The following IQSEC1 variants were observed in gnomAD, a reference collection of about 807,000 sequenced individuals.
IQSEC1 encodes IQ motif and SEC7 domain-containing protein 1.
A neutral mutation model predicts 91.0 loss-of-function variants in IQSEC1; 31 were observed. That is an observed-to-expected ratio of 0.34 (90% CI 0.26 to 0.46). The LOEUF (loss-of-function observed/expected upper bound fraction) is 0.46. Ranked by LOEUF, IQSEC1 falls within the 20% of genes least tolerant of loss-of-function variation. The pLI, the probability that IQSEC1 is intolerant of heterozygous loss-of-function variation, is 1.00. For synonymous variants in IQSEC1, 699 were observed against 662.6 expected (o/e 1.05, Z -0.84); for missense variants, 1,388 against 1,575.6 (o/e 0.88, Z 2.02).
intron 2 of IQSEC1, among the ~76,000 whole-genome samples, chr3:13,153,951 G>A (rs1423146071): frequency 2.6e-5 from 4 of 152,122 alleles, no homozygotes; most frequent in African/African-American, 9.7e-5. Flanking sequence ...AACATGTGTA[G>A]TGGGAGGGGA....
intron 1 of IQSEC1, among the ~76,000 whole-genome samples, chr3:13,014,884 G>A (rs933158734): frequency 6.6e-6 from 1 of 152,142 alleles, no homozygotes; most frequent in African/African-American, 2.4e-5. Context: ...GTGGGTCAAG[G>A]GGCTCCTGGG....
In IQSEC1 at chr3:12,908,289, C is replaced by T. The variant is rs944158009; in HGVS notation, c.2755+60G>A. The stretch of plus-strand genomic sequence containing the variant: ...GCGTGATGCATGCCCTGAATGCAGA[C>T]GCCCTGCCTCGGTCTTGCATGCGCT... On this transcript the variant is annotated intron_variant, in intron 12 of 13. Transcript: ENST00000613206. This position sits in a 1 kb window ranked among gnomAD's most constrained non-coding sequence, Gnocchi z 4.9. 1.7e-5 allele frequency: 26 copies of T among 1,560,946 alleles called. No homozygotes were observed. The highest frequency in any genetic ancestry group is 2.3e-4 in the Middle Eastern group (1 of 4,322).
chr3:13,044,542 G>C (rs1704417403), intron 1 of IQSEC1, among the ~76,000 whole-genome samples: 1 of 152,246 alleles, frequency 6.6e-6, no homozygotes, highest in African/African-American at 2.4e-5. Flanking sequence ...TCATCGGAAT[G>C]GACCCAGGCT....
chr3:13,198,048 G>A (rs925824665), intron 1 of IQSEC1, among the ~76,000 whole-genome samples: 8 of 152,190 alleles, frequency 5.3e-5, no homozygotes, highest in Admixed American at 4.6e-4. Flanking sequence ...CTGTGGGCAC[G>A]CAGGGTCTGA....
At chr3:13,265,063 C>T (rs1295752941) in intron 1 of IQSEC1, among the ~76,000 whole-genome samples, 2 of 152,216 alleles carry the variant, frequency 1.3e-5, no homozygotes, top group Admixed American at 6.5e-5. Flanking sequence ...AGAGGAGCAC[C>T]ATTTCCAGCC....
At chr3:13,019,981 T>C (rs1403876523) in intron 1 of IQSEC1, among the ~76,000 whole-genome samples, 1 of 152,118 alleles carries the variant, frequency 6.6e-6, no homozygotes, top group Non-Finnish European at 1.5e-5. Context: ...CTACAGACCA[T>C]GTGGGCAAAC....
intron 2 of IQSEC1, among the ~76,000 whole-genome samples, chr3:13,085,394 G>A (rs958066619): frequency 1.8e-4 from 27 of 152,298 alleles, no homozygotes; most frequent in African/African-American, 3.8e-4. Context: ...GAGGGGTCAC[G>A]TGGAGGGCGG....
intron 1 of IQSEC1, among the ~76,000 whole-genome samples, chr3:13,022,945 G>T (rs1047084342): frequency 5.3e-5 from 8 of 152,206 alleles, no homozygotes; most frequent in East Asian, 1.9e-4. Context: ...AGGCTACTGT[G>T]GGCTTGTGGA....
intron 1 of IQSEC1, among the ~76,000 whole-genome samples, chr3:13,173,347 A>G (rs1693654338): frequency 6.6e-6 from 1 of 152,210 alleles, no homozygotes; most frequent in Non-Finnish European, 1.5e-5. Flanking sequence ...CTGTCCCCAG[A>G]GACCCAGCTG....
At chr3:12,929,866 G>A (rs1408311382) in intron 3 of IQSEC1, among the ~76,000 whole-genome samples, 1 of 152,214 alleles carries the variant, frequency 6.6e-6, no homozygotes, top group Non-Finnish European at 1.5e-5. Flanking sequence ...TCCCTGCTGT[G>A]TGCTCCCAGG....
Position 12,899,276 on chromosome 3 carries a change from G to A in IQSEC1, c.*1707C>T, listed in dbSNP as rs368808955. 4.3e-5 allele frequency: 51 copies of A among 1,194,986 alleles called. No homozygotes were observed. The highest frequency in any genetic ancestry group is 2.5e-4 in the Middle Eastern group (1 of 3,970). The allele number at this position is 1,194,986 out of a possible 1,614,324, so 74.0% of individuals were successfully genotyped here. On this transcript the variant is annotated 3_prime_UTR_variant, in exon 14 of 14. Coordinates refer to ENST00000613206, the MANE Select transcript of IQSEC1 (RefSeq NM_001134382.3). ...CTGCCGTCCGGCCACGGCTCACCAC[G>A]CTGTCCACTGGGAACGCGGCCCCGC...
At chr3:13,076,648 C>A (rs954427204), upstream of IQSEC1, among the ~76,000 whole-genome samples, 3 of 152,154 alleles carry the variant, frequency 2.0e-5, no homozygotes, top group African/African-American at 4.8e-5. Context: ...GTGAACCCCC[C>A]ACCCCCGCTG....
At chr3:12,953,062 G>A (rs574296861) in intron 1 of IQSEC1, among the ~76,000 whole-genome samples, 2 of 152,318 alleles carry the variant, frequency 1.3e-5, no homozygotes, top group East Asian at 3.9e-4. Context: ...CTGCTGATAG[G>A]GCCTGATCCT....
chr3:12,916,837 G>T (rs1696143329), intron 6 of IQSEC1, among the ~76,000 whole-genome samples: 1 of 152,222 alleles, frequency 6.6e-6, no homozygotes, highest in African/African-American at 2.4e-5. Flanking sequence ...AGTGAAGAAG[G>T]CCACAGTAAA....
intron 9 of IQSEC1, 142 bp from the exon 10 acceptor site, chr3:12,911,870 A>G: frequency 1.5e-6 from 1 of 669,710 alleles, no homozygotes. Context: ...ATGGGCTTCC[A>G]CTCCAAGACT....
In IQSEC1 at chr3:12,931,692, CT is replaced by C. The variant is rs538435962; in HGVS notation, c.1568+3755del. On this transcript the variant is annotated intron_variant, in intron 3 of 13. Transcript: ENST00000613206. ...GCGCTGGAAGGGTGAAACAGCCACG[CT>C]CCCTGCAGGATCCCAGTGACAGCAT... is the stretch of plus-strand genomic sequence containing the variant. Among the ~76,000 whole-genome samples the C allele has an allele frequency of 2.4e-3, 367 of 152,344 alleles. 4 individuals carry two copies. The highest frequency in any genetic ancestry group is 8.5e-3 in the African/African-American group (352 of 41,574).
chr3:13,225,223 C>G (rs1576301358), intron 1 of IQSEC1, among the ~76,000 whole-genome samples: 1 of 152,240 alleles, frequency 6.6e-6, no homozygotes, highest in Non-Finnish European at 1.5e-5. Flanking sequence ...ATGAACGTCC[C>G]TTTTGTCCCC....
At chr3:13,028,803 C>T (rs952890195) in intron 1 of IQSEC1, among the ~76,000 whole-genome samples, 1 of 152,202 alleles carries the variant, frequency 6.6e-6, no homozygotes, top group African/African-American at 2.4e-5. Flanking sequence ...TGGCCTCATT[C>T]TTCAGTGTTG....
chr3:13,062,810 A>G (rs1705112588), intron 1 of IQSEC1, among the ~76,000 whole-genome samples: 1 of 152,178 alleles, frequency 6.6e-6, no homozygotes, highest in Admixed American at 6.5e-5. Context: ...TTTAAGATGC[A>G]TCACTTCCCT....
Sources: gnomAD v4.1 joint callset for allele counts (sites outside exome capture counted in the v4.1 genomes callset) on GRCh38, gnomAD v4.1.1 for gene constraint, Gnocchi (gnomAD v3.1) non-coding constraint, MANE v1.5 for transcripts, NCBI Gene and HGNC (gene_info 2026-07-23, HGNC 2026-07-21) for gene names.